The following ATAD3A variants were observed in gnomAD, a reference collection of about 807,000 sequenced individuals.
ATAD3A encodes the protein ATPase family AAA domain containing 3A, also known as ATPase family AAA domain-containing protein 3A.
A neutral mutation model predicts 73.8 loss-of-function variants in ATAD3A; 46 were observed. The observed-to-expected ratio is 0.62, with a 90% CI of 0.49 to 0.80. The LOEUF is 0.80. Ranked by LOEUF, ATAD3A falls within the 30% of genes least tolerant of loss-of-function variation. The pLI is 0.00. For synonymous variants in ATAD3A, 319 were observed against 350.0 expected, an observed-to-expected ratio of 0.91 and a Z score of 0.99; for missense variants, 705 against 838.0, an observed-to-expected ratio of 0.84 and a Z score of 1.96.
At chr1:1,531,587 C>T (rs529993843) in intron 15 of ATAD3A, among the ~76,000 whole-genome samples, 1 of 151,092 alleles carries the variant, frequency 6.6e-6, no homozygotes, top group South Asian at 2.1e-4. Flanking sequence ...TCCTGGCTAA[C>T]ACGGTGGAAC....
chr1:1,518,615 G>C (rs1338227262), intron 4 of ATAD3A, among the ~76,000 whole-genome samples: 1 of 79,190 alleles, frequency 1.3e-5, no homozygotes, highest in Non-Finnish European at 2.0e-5. Context: ...ACACACGGGC[G>C]TACACACCCC....
intron 15 of ATAD3A, among the ~76,000 whole-genome samples, chr1:1,531,309 G>T (rs1305904645): frequency 1.3e-5 from 2 of 151,606 alleles, no homozygotes; most frequent in Non-Finnish European, 2.9e-5. Context: ...AAATTAGCTG[G>T]GTGTGGTGGC....
Position 1,520,018 on chromosome 1 carries a change from C to T in ATAD3A, c.515-123C>T. 5.1e-6 allele frequency: 7 copies of T among 1,381,124 alleles called. No individual in the cohort carries two copies. Among genetic ancestry groups the T allele is most frequent in the Non-Finnish European group, 5.7e-6 (6 of 1,052,534 alleles). The allele number at this position is 1,381,124 out of a possible 1,614,324, so 85.6% of individuals were successfully genotyped here. A position where few individuals can be genotyped will look rare whatever the true frequency, so the allele number is the denominator to read the frequency against. On this transcript the variant is annotated intron_variant, in intron 5 of 15. Transcript: ENST00000378756. This position sits in a 1 kb window ranked among gnomAD's most constrained non-coding sequence, Gnocchi z 4.0. ...GCGTGGGCCGGTCCGTGGCATGGGC[C>T]TGTCTGTGGCGTTGGTCTGTCCGTG...
rs1240900566 is a variant in ATAD3A, at chr1:1,513,541, C to T, written c.205+1068C>T. ...GCCCTCTCTGTGGTGGAGCGGGGCC[C>T]GGGGCAGGGTCTCCAGGTGCACCGT... is the stretch of plus-strand genomic sequence containing the variant. On this transcript the variant is annotated intron_variant, in intron 1 of 15. Coordinates refer to ENST00000378756, the MANE Select transcript of ATAD3A (RefSeq NM_001170535.3). 5.9e-5 allele frequency among the ~76,000 whole-genome samples: 9 copies of T among 152,014 alleles called. No individual in the cohort carries two copies. In the East Asian group the frequency reaches 1.4e-3, roughly 23 times the overall value.
In ATAD3A at chr1:1,528,000, C is replaced by G. The variant is rs566534926; in HGVS notation, c.1505+138C>G. 2.3e-4 allele frequency: 268 copies of G among 1,143,384 alleles called. No individual in the cohort carries two copies. The African/African-American group carries it at 3.7e-3, about 16-fold the overall frequency. The allele number at this position is 1,143,384 out of a possible 1,614,324, so 70.8% of individuals were successfully genotyped here. ...TTGAGACAAAGTCTCATTCTTGTCGCCCAGGCTGGAGTGCAGTGACACGAT... is the reference window on the plus strand; with the variant it reads ...TTGAGACAAAGTCTCATTCTTGTCGGCCAGGCTGGAGTGCAGTGACACGAT... On this transcript the variant is annotated intron_variant, in intron 14 of 15. Coordinates refer to ENST00000378756, the MANE Select transcript of ATAD3A (RefSeq NM_001170535.3).
Position 1,524,332 on chromosome 1 carries a change from C to T in ATAD3A, c.1149C>T (p.Pro383=). 6.2e-7 allele frequency: 1 copy of T among 1,612,942 alleles called. No homozygotes were observed. The highest frequency in any genetic ancestry group is 8.5e-7 in the Non-Finnish European group (1 of 1,179,510). Residue 383 remains proline, a synonymous_variant, in exon 11 of 16, where the codon CCC becomes CCT. Coordinates refer to ENST00000378756, the MANE Select transcript of ATAD3A (RefSeq NM_001170535.3). ...YAIMTGGDVA[P]MGREGVTAMH... The stretch of plus-strand genomic sequence containing the variant: ...TCATGACAGGCGGGGACGTGGCCCC[C>T]ATGGGGCGGGAAGGCGTGACCGCCA...
chr1:1,523,004 G>A lies in ATAD3A; in HGVS notation c.906+105G>A, dbSNP rs1053640663. On this transcript the variant is annotated intron_variant, in intron 8 of 15. Transcript: ENST00000378756. The surrounding 1 kb of genome is among the most constrained non-coding windows in gnomAD (Gnocchi z 5.1). ...CCCTCCCGTCCCTTCCCTTTCCCCG[G>A]ATAACGGGCACCCGCACACTGCTTC... 11 of 1,513,258 alleles carry A rather than the reference G, an allele frequency of 7.3e-6. No homozygotes were observed. The African/African-American group carries it at 1.4e-4, about 19-fold the overall frequency. 93.7% of individuals were successfully genotyped at this position (1,513,258 alleles called of 1,614,324 possible). A position where few individuals can be genotyped will look rare whatever the true frequency, so the allele number is the denominator to read the frequency against.
chr1:1,522,727 C>T lies in ATAD3A; in HGVS notation c.751-17C>T, dbSNP rs377172843. On this transcript the variant is annotated splice_polypyrimidine_tract_variant and intron_variant, in intron 7 of 15. Transcript: ENST00000378756. ...GACGGTGGGGGCCGGTGCGCCAGTG[C>T]GGTGTCTCTGCTGCAGGTGGCTGGG... 1.7e-4 allele frequency: 280 copies of T among 1,611,670 alleles called. No individual in the cohort carries two copies. Among genetic ancestry groups the T allele is most frequent in the East Asian group, 4.7e-4 (21 of 44,868 alleles).
rs955036949 is a variant in ATAD3A at position 1,520,020 on chromosome 1, G to T, written c.515-121G>T. 3.0e-5 allele frequency: 42 copies of T among 1,387,160 alleles called. No individual in the cohort carries two copies. Among genetic ancestry groups the T allele is most frequent in the Non-Finnish European group, 8.5e-6 (9 of 1,057,244 alleles). The allele number at this position is 1,387,160 out of a possible 1,614,324, so 85.9% of individuals were successfully genotyped here. A position where few individuals can be genotyped will look rare whatever the true frequency, so the allele number is the denominator to read the frequency against. ...GTGGGCCGGTCCGTGGCATGGGCCT[G>T]TCTGTGGCGTTGGTCTGTCCGTGGC... is the stretch of plus-strand genomic sequence containing the variant. On this transcript the variant is annotated intron_variant, in intron 5 of 15. Transcript: ENST00000378756. This position sits in a 1 kb window ranked among gnomAD's most constrained non-coding sequence, Gnocchi z 4.0.
At chr1:1,529,104 G>C in intron 14 of ATAD3A, 119 bp from the exon 15 acceptor site, 1 of 1,444,560 alleles carries the variant, frequency 6.9e-7, no homozygotes, top group Non-Finnish European at 9.5e-7. Flanking sequence ...CAGAAGTAGA[G>C]AGCCCCTCCA....
At chr1:1,514,926 T>G (rs558794831) in intron 1 of ATAD3A, among the ~76,000 whole-genome samples, 1 of 152,252 alleles carries the variant, frequency 6.6e-6, no homozygotes, top group East Asian at 1.9e-4. Flanking sequence ...CAGGCTGGAG[T>G]GCAGTGGTGC....
rs1178662636 is a variant in ATAD3A at position 1,520,858 on chromosome 1, T to G, written c.750+241T>G. Among the ~76,000 whole-genome samples the G allele has an allele frequency of 6.6e-6, 1 of 151,678 alleles. No individual in the cohort carries two copies. Among genetic ancestry groups the G allele is most frequent in the Admixed American group, 6.6e-5 (1 of 15,236 alleles). ...CCCATCTCTACAAAAAATCAAATAT[T>G]AGCTGGGTGTGGTGGCAGCCCCTGT... is the stretch of plus-strand genomic sequence containing the variant. On this transcript the variant is annotated intron_variant, in intron 7 of 15. Transcript: ENST00000378756. This position sits in a 1 kb window ranked among gnomAD's most constrained non-coding sequence, Gnocchi z 4.0.
intron 4 of ATAD3A, among the ~76,000 whole-genome samples, chr1:1,518,524 C>T (rs1460651447): frequency 1.9e-5 from 2 of 106,032 alleles, no homozygotes; most frequent in Non-Finnish European, 3.8e-5. Context: ...CATGGGCGCA[C>T]AGACCCCACA....
In ATAD3A at chr1:1,533,874, G is replaced by C. The variant is rs573848735; in HGVS notation, c.1615-52G>C. The C allele has an allele frequency of 2.5e-6, 4 of 1,591,944 alleles. No homozygotes were observed. The Admixed American group carries it at 7.0e-5, about 28-fold the overall frequency. On this transcript the variant is annotated intron_variant, in intron 15 of 15. Transcript: ENST00000378756. ...CACCTCGGGGCCCTGGCGTGCATTTGGGGTGGGGGGTTCCCATGGCGGCCT... is the reference window on the plus strand; with the variant it reads ...CACCTCGGGGCCCTGGCGTGCATTTCGGGTGGGGGGTTCCCATGGCGGCCT...
chr1:1,533,038 C>T (rs1045559247), intron 15 of ATAD3A, among the ~76,000 whole-genome samples: 25 of 152,238 alleles, frequency 1.6e-4, no homozygotes, highest in African/African-American at 4.6e-4. Context: ...ACGGGCACCA[C>T]GTGGTCATCC....
chr1:1,520,267 A>C lies in ATAD3A; in HGVS notation c.641A>C (p.Lys214Thr). Residue 214 changes from lysine to threonine, a missense_variant, in exon 6 of 16, where the codon AAG becomes ACG. Physicochemically the swap from Lys to Thr is moderately conservative, Grantham distance 78 (BLOSUM62 -1). Coordinates refer to ENST00000378756, the MANE Select transcript of ATAD3A (RefSeq NM_001170535.3). The surrounding 1 kb of genome is among the most constrained non-coding windows in gnomAD (Gnocchi z 4.0). ...ADIIREQIRLKAAEHRQTVLE... is the reference protein window; with the variant it reads ...ADIIREQIRLTAAEHRQTVLE... Reference sequence around the variant, plus strand: ...ATCATCCGCGAGCAGATCCGCCTGAAGGCGGCCGAGCACCGTCAGACCGTC... The same window carrying C: ...ATCATCCGCGAGCAGATCCGCCTGACGGCGGCCGAGCACCGTCAGACCGTC... 4 of 1,613,022 alleles carry C rather than the reference A, an allele frequency of 2.5e-6. No individual in the cohort carries two copies. The highest frequency in any genetic ancestry group is 3.4e-6 in the Non-Finnish European group (4 of 1,179,678).
rs1641523883 is a variant in ATAD3A, at chr1:1,519,991, T to C, written c.515-150T>C. 61 of 1,396,248 alleles carry C rather than the reference T, an allele frequency of 4.4e-5. No individual in the cohort carries two copies. The South Asian group carries it at 8.1e-4, about 19-fold the overall frequency. The allele number at this position is 1,396,248 out of a possible 1,614,324, so 86.5% of individuals were successfully genotyped here. A position where few individuals can be genotyped will look rare whatever the true frequency, so the allele number is the denominator to read the frequency against. ...CCTGTCAGCAGTGTGGGCCTGTCCATGGCGTGGGCCGGTCCGTGGCATGGG... is the reference window on the plus strand; with the variant it reads ...CCTGTCAGCAGTGTGGGCCTGTCCACGGCGTGGGCCGGTCCGTGGCATGGG... On this transcript the variant is annotated intron_variant, in intron 5 of 15. Transcript: ENST00000378756.
Position 1,520,458 on chromosome 1 carries a change from C to T in ATAD3A, c.681-90C>T, listed in dbSNP as rs766166856. On this transcript the variant is annotated intron_variant, in intron 6 of 15. Coordinates refer to ENST00000378756, the MANE Select transcript of ATAD3A (RefSeq NM_001170535.3). The surrounding 1 kb of genome is among the most constrained non-coding windows in gnomAD (Gnocchi z 4.0). ...CCCCTCTGTCCTGGCAAGGCCGTGC[C>T]GCCATGTCAGGGCCTCACCCTCAAC... is the stretch of plus-strand genomic sequence containing the variant. 1.9e-4 allele frequency: 308 copies of T among 1,608,628 alleles called. No homozygotes were observed. The highest frequency in any genetic ancestry group is 2.5e-4 in the Non-Finnish European group (295 of 1,175,968).
chr1:1,516,974 A>G lies in ATAD3A; in HGVS notation c.283-337A>G, dbSNP rs189458109. The G allele has an allele frequency of 1.7e-5, 19 of 1,102,852 alleles. No individual in the cohort carries two copies. In the African/African-American group the frequency reaches 2.9e-4, roughly 17 times the overall value. 68.3% of individuals were successfully genotyped at this position (1,102,852 alleles called of 1,614,324 possible). On this transcript the variant is annotated intron_variant, in intron 2 of 15. Coordinates refer to ENST00000378756, the MANE Select transcript of ATAD3A (RefSeq NM_001170535.3). ...TGATCCACCCACTTTGGCCTCCCAA[A>G]GTGCTGGGATTATAAGCGAGAGCCG...
Sources: allele counts gnomAD v4.1 joint callset (sites outside exome capture counted in the v4.1 genomes callset), GRCh38; gene constraint gnomAD v4.1.1; non-coding constraint Gnocchi (gnomAD v3.1); transcripts MANE v1.5; gene names NCBI Gene and HGNC (gene_info 2026-07-23, HGNC 2026-07-21).